Variants in KCNJ6 observed in about 807,000 individuals in gnomAD.
KCNJ6 encodes G protein-activated inward rectifier potassium channel 2.
A neutral mutation model predicts 34.2 loss-of-function variants in KCNJ6; 9 were observed. That is an observed-to-expected ratio of 0.26 (90% CI 0.16 to 0.46). KCNJ6 has a LOEUF of 0.46. Among genes scored for constraint, KCNJ6 ranks in the 20% least tolerant of loss-of-function variants. The probability of loss-of-function intolerance (pLI) is 1.00; values close to 1 mark genes in which losing one functional copy is unlikely to be tolerated. For missense variants in KCNJ6, 236 were observed against 531.3 expected, an observed-to-expected ratio of 0.44 and a Z score of 5.46; for synonymous variants, 196 against 207.1, an observed-to-expected ratio of 0.95 and a Z score of 0.46.
intron 3 of KCNJ6, among the ~76,000 whole-genome samples, chr21:37,632,120 G>C (rs190048768): frequency 3.9e-5 from 6 of 152,054 alleles, no homozygotes; most frequent in South Asian, 4.1e-4. Flanking sequence ...GGGGCCGACC[G>C]GGGGGAGGGG....
intron 2 of KCNJ6, among the ~76,000 whole-genome samples, chr21:37,784,721 G>C (rs1433557122): frequency 2.0e-5 from 3 of 152,074 alleles, no homozygotes; most frequent in African/African-American, 7.2e-5. Context: ...TCACATCATA[G>C]AGTCTGTGCC....
At position 37,916,322 on chromosome 21, in the gene KCNJ6, C is replaced by G. The variant is rs1448054844; in HGVS notation, c.-466G>C. 6.6e-6 allele frequency: 1 copy of G among 152,190 alleles called. No homozygotes were observed. The highest frequency in any genetic ancestry group is 1.9e-4 in the East Asian group (1 of 5,178). 9.4% of individuals were successfully genotyped at this position (152,190 alleles called of 1,614,324 possible). ...GAGTGGCAGAAGAAAAAAAAAATCC[C>G]CGGTTAGGAGAAAAGTGGTGGACCA... On this transcript the variant is annotated 5_prime_UTR_variant, in exon 1 of 4. Coordinates refer to ENST00000609713, the MANE Select transcript of KCNJ6 (RefSeq NM_002240.5).
chr21:37,674,360 A>T (rs2054555075), intron 3 of KCNJ6, among the ~76,000 whole-genome samples: 1 of 152,064 alleles, frequency 6.6e-6, no homozygotes, highest in South Asian at 2.1e-4. Context: ...CACGCCAACC[A>T]CAGCCATCCT....
At chr21:37,776,386 T>C (rs2055142178) in intron 2 of KCNJ6, among the ~76,000 whole-genome samples, 1 of 152,196 alleles carries the variant, frequency 6.6e-6, no homozygotes, top group African/African-American at 2.4e-5. Context: ...AACACTATGT[T>C]GAATAGGAGT....
chr21:37,657,198 G>C (rs1197068692), intron 3 of KCNJ6, among the ~76,000 whole-genome samples: 1 of 152,186 alleles, frequency 6.6e-6, no homozygotes, highest in Non-Finnish European at 1.5e-5. Flanking sequence ...CAACGGCCCT[G>C]ATCCAAGGCC....
chr21:37,751,310 A>G (rs1601453180), intron 2 of KCNJ6, among the ~76,000 whole-genome samples: 1 of 152,364 alleles, frequency 6.6e-6, no homozygotes, highest in South Asian at 2.1e-4. Context: ...ACTGCCCTGG[A>G]CTGCTGAGCA....
rs1243426553 is a variant in KCNJ6 at position 37,621,428 on chromosome 21, A to G, written c.*3731T>C. On this transcript the variant is annotated 3_prime_UTR_variant, in exon 4 of 4. Transcript: ENST00000609713. ...AAATATCCCAAAGACACTGGCTTAA[A>G]TCTAAATAAAAAAGCAAAGGGGAAA... 1 of 152,220 alleles carries G rather than the reference A, an allele frequency of 6.6e-6. No individual in the cohort carries two copies. The highest frequency in any genetic ancestry group is 1.5e-5 in the Non-Finnish European group (1 of 68,032). 9.4% of individuals were successfully genotyped at this position (152,220 alleles called of 1,614,324 possible). A position where few individuals can be genotyped will look rare whatever the true frequency, so the allele number is the denominator to read the frequency against.
intron 1 of KCNJ6, among the ~76,000 whole-genome samples, chr21:37,888,190 C>T (rs915727826): frequency 1.1e-4 from 16 of 152,184 alleles, no homozygotes; most frequent in South Asian, 2.1e-4. Context: ...CTACATGGTG[C>T]GTGTGATTTT....
At chr21:37,627,590 A>G (rs937818299) in intron 3 of KCNJ6, among the ~76,000 whole-genome samples, 2 of 152,224 alleles carry the variant, frequency 1.3e-5, no homozygotes, top group Non-Finnish European at 2.9e-5. Flanking sequence ...GGGCTGTGAT[A>G]ACAGTTGGGG....
intron 2 of KCNJ6, among the ~76,000 whole-genome samples, chr21:37,721,649 A>G (rs1158071907): frequency 6.6e-6 from 1 of 152,246 alleles, no homozygotes; most frequent in Non-Finnish European, 1.5e-5. Flanking sequence ...ACATTATTTA[A>G]ATGAAATAAA....
intron 3 of KCNJ6, among the ~76,000 whole-genome samples, chr21:37,648,574 C>T (rs1446576091): frequency 6.6e-6 from 1 of 152,108 alleles, no homozygotes; most frequent in Non-Finnish European, 1.5e-5. Context: ...CACTTGTAAC[C>T]AAATTGCCAA....
Position 37,619,947 on chromosome 21 carries a change from T to G in KCNJ6, c.*5212A>C, listed in dbSNP as rs2054285114. The G allele has an allele frequency of 6.6e-6, 1 of 152,212 alleles. No individual in the cohort carries two copies. Among genetic ancestry groups the G allele is most frequent in the African/African-American group, 2.4e-5 (1 of 41,454 alleles). The allele number at this position is 152,212 out of a possible 1,614,324, so 9.4% of individuals were successfully genotyped here. ...TATTTGCCACTCTGGAGGAATGGCATGAAAAGGAAGGATTCTTCCTTTGAG... is the reference window on the plus strand; with the variant it reads ...TATTTGCCACTCTGGAGGAATGGCAGGAAAAGGAAGGATTCTTCCTTTGAG... On this transcript the variant is annotated 3_prime_UTR_variant, in exon 4 of 4. Coordinates refer to ENST00000609713, the MANE Select transcript of KCNJ6 (RefSeq NM_002240.5).
At chr21:37,705,100 C>T (rs1280288157) in intron 3 of KCNJ6, among the ~76,000 whole-genome samples, 1 of 152,158 alleles carries the variant, frequency 6.6e-6, no homozygotes, top group East Asian at 1.9e-4. Flanking sequence ...GAAAGGGGAG[C>T]CCAGTGGAGA....
intron 2 of KCNJ6, among the ~76,000 whole-genome samples, chr21:37,745,179 T>G (rs2054961919): frequency 6.7e-6 from 1 of 148,168 alleles, no homozygotes; most frequent in Admixed American, 6.9e-5. Flanking sequence ...GGCAGCCCCT[T>G]GACCTCCCAG....
chr21:37,715,210 T>A (rs780431144), intron 2 of KCNJ6, 79 bp from the exon 3 acceptor site: 37 of 1,251,890 alleles, frequency 3.0e-5, no homozygotes, highest in Non-Finnish European at 4.1e-5. Context: ...ACACTTTGTA[T>A]GGGCTGGTGA....
intron 1 of KCNJ6, among the ~76,000 whole-genome samples, chr21:37,864,869 CTCTTT>C (rs2055614127): frequency 2.2e-5 from 3 of 139,500 alleles, no homozygotes; most frequent in Admixed American, 6.9e-5. Context: ...CTGTCTCTCT[CTCTTT>C]TTTTTTTTTT....
intron 2 of KCNJ6, among the ~76,000 whole-genome samples, chr21:37,778,880 G>A (rs543146197): frequency 1.6e-4 from 24 of 151,832 alleles, no homozygotes; most frequent in Middle Eastern, 3.4e-3. Context: ...AGCACCTGGG[G>A]CCATCCACAC....
At chr21:37,684,991 A>G (rs930615773) in intron 3 of KCNJ6, among the ~76,000 whole-genome samples, 1 of 152,254 alleles carries the variant, frequency 6.6e-6, no homozygotes, top group Non-Finnish European at 1.5e-5. Context: ...AAAAAAATCA[A>G]TAAGACAAAT....
chr21:37,894,736 T>C (rs763946221), intron 1 of KCNJ6, among the ~76,000 whole-genome samples: 1 of 152,112 alleles, frequency 6.6e-6, no homozygotes, highest in African/African-American at 2.4e-5. Context: ...GCCTAGAAAA[T>C]GTGGCTTTAC....
Sources: gnomAD v4.1 joint callset for allele counts (sites outside exome capture counted in the v4.1 genomes callset) on GRCh38, gnomAD v4.1.1 for gene constraint, MANE v1.5 for transcripts, NCBI Gene and HGNC (gene_info 2026-07-23, HGNC 2026-07-21) for gene names.